The following SLC9B1 variants were observed in gnomAD, a reference collection of about 807,000 sequenced individuals.
The protein encoded by SLC9B1 is solute carrier family 9 member B1, also known as sodium/hydrogen exchanger 9B1.
SLC9B1 carries 32 observed loss-of-function variants against 51.7 expected under a neutral mutation model. The observed-to-expected ratio is 0.62, with a 90% confidence interval of 0.47 to 0.83. The LOEUF (loss-of-function observed/expected upper bound fraction) is 0.83. Ranked by LOEUF, SLC9B1 falls within the 40% of genes least tolerant of loss-of-function variation. SLC9B1 has a pLI of 0.00. For synonymous variants in SLC9B1, 145 were observed against 212.7 expected, an observed-to-expected ratio of 0.68 and a Z score of 2.77; for missense variants, 406 against 613.2, an observed-to-expected ratio of 0.66 and a Z score of 3.57.
intron 6 of SLC9B1, among the ~76,000 whole-genome samples, chr4:102,933,058 T>G (rs1013694804): frequency 6.6e-6 from 1 of 152,218 alleles, no homozygotes; most frequent in Non-Finnish European, 1.5e-5. Context: ...GCCTCATCTC[T>G]TCTACATTTA....
At chr4:102,893,854 CA>C (rs1288398850) in intron 11 of SLC9B1, among the ~76,000 whole-genome samples, 2 of 152,118 alleles carry the variant, frequency 1.3e-5, no homozygotes, top group African/African-American at 4.8e-5. Context: ...GAGATCACGC[CA>C]CTGCACTCCA....
At chr4:102,968,940 C>T (rs1738587035) in intron 3 of SLC9B1, among the ~76,000 whole-genome samples, 1 of 152,188 alleles carries the variant, frequency 6.6e-6, no homozygotes, top group African/African-American at 2.4e-5. Context: ...GCTAGCGCAG[C>T]AGTCCGAGAT....
rs554396217 is a variant in SLC9B1, at chr4:102,915,152, C to A, written c.830-3615G>T. On this transcript the variant is annotated intron_variant, in intron 7 of 11. Transcript: ENST00000296422. ...GAACTGTATAGCCAGTAAAACTGTACTTCAAAAATGAAGGACAAACAAAGA... is the reference window on the plus strand; with the variant it reads ...GAACTGTATAGCCAGTAAAACTGTAATTCAAAAATGAAGGACAAACAAAGA... Among the ~76,000 whole-genome samples, 154 of 151,180 alleles carry A rather than the reference C, an allele frequency of 1.0e-3. 1 individual carries two copies. Among genetic ancestry groups the A allele is most frequent in the Non-Finnish European group, 2.0e-3 (133 of 67,884 alleles).
intron 3 of SLC9B1, among the ~76,000 whole-genome samples, chr4:102,955,891 AAGAAAGAAAG>A (rs1737778888): frequency 1.4e-5 from 2 of 138,674 alleles, no homozygotes; most frequent in African/African-American, 3.2e-5. Flanking sequence ...GAAAGAAAGA[AAGAAAGAAAG>A]AGAGAGAAAG....
chr4:103,013,290 T>C (rs1741169884), intron 1 of SLC9B1, among the ~76,000 whole-genome samples: 1 of 152,246 alleles, frequency 6.6e-6, no homozygotes, highest in Non-Finnish European at 1.5e-5. Flanking sequence ...TTGATTATTC[T>C]AAATAAAGCT....
intron 4 of SLC9B1, among the ~76,000 whole-genome samples, chr4:102,947,904 C>T (rs761665465): frequency 6.8e-6 from 1 of 147,494 alleles, no homozygotes; most frequent in African/African-American, 2.5e-5. Context: ...TCTACATACA[C>T]TTTAGAAAGT....
At chr4:102,946,929 A>G in intron 4 of SLC9B1, 140 bp from the exon 5 acceptor site, 1 of 645,624 alleles carries the variant, frequency 1.5e-6, no homozygotes, top group Non-Finnish European at 2.6e-6. Flanking sequence ...AGAAGGCAGC[A>G]TGAATAAAGG....
intron 10 of SLC9B1, chr4:102,906,316 A>C (rs1406324235): frequency 3.7e-6 from 1 of 268,982 alleles, no homozygotes; most frequent in Non-Finnish European, 6.8e-6. Flanking sequence ...TTATTTCTTC[A>C]GATAACTCAG....
chr4:102,890,093 T>G (rs1446866276), intron 11 of SLC9B1: 1 of 152,210 alleles, frequency 6.6e-6, no homozygotes, highest in African/African-American at 2.4e-5. Flanking sequence ...CCAAAAGTGT[T>G]AGCAGGCTTG....
In SLC9B1 at chr4:102,920,840, G is replaced by A. The variant is rs868857305; in HGVS notation, c.830-9303C>T. 4.6e-5 allele frequency among the ~76,000 whole-genome samples: 7 copies of A among 152,308 alleles called. No individual in the cohort carries two copies. The South Asian group carries it at 8.3e-4, about 18-fold the overall frequency. ...TTGAAGATCAAATAAATGAAATAAA[G>A]TGAGAAGACAAGGTTAGAGAAACAA... On this transcript the variant is annotated intron_variant, in intron 7 of 11. Coordinates refer to ENST00000296422, the MANE Select transcript of SLC9B1 (RefSeq NM_139173.4).
At chr4:102,979,903 AAAAC>A (rs769146055) in intron 3 of SLC9B1, among the ~76,000 whole-genome samples, 24 of 152,288 alleles carry the variant, frequency 1.6e-4, no homozygotes, top group Non-Finnish European at 2.9e-4. Flanking sequence ...TACAAGAAAA[AAAAC>A]AAACAACCCC....
intron 7 of SLC9B1, among the ~76,000 whole-genome samples, chr4:102,924,902 A>G (rs1736078576): frequency 1.3e-5 from 2 of 152,202 alleles, no homozygotes; most frequent in Non-Finnish European, 2.9e-5. Context: ...AAGTCAGGAA[A>G]CAACAGGTGC....
At chr4:102,995,281 A>G (rs563966128) in intron 1 of SLC9B1, among the ~76,000 whole-genome samples, 1 of 152,340 alleles carries the variant, frequency 6.6e-6, no homozygotes, top group South Asian at 2.1e-4. Context: ...GAAGATTATA[A>G]AAAACATTTT....
At chr4:102,996,542 G>A (rs1271568792) in intron 1 of SLC9B1, among the ~76,000 whole-genome samples, 1 of 152,076 alleles carries the variant, frequency 6.6e-6, no homozygotes, top group African/African-American at 2.4e-5. Context: ...ACAGGTCTAT[G>A]GTCTATGAGC....
intron 1 of SLC9B1, among the ~76,000 whole-genome samples, chr4:103,019,056 T>G (rs993431241): frequency 3.3e-5 from 5 of 152,096 alleles, no homozygotes; most frequent in African/African-American, 1.2e-4. Context: ...CTGTCTTCCA[T>G]GAAACTGATC....
intron 6 of SLC9B1, among the ~76,000 whole-genome samples, chr4:102,944,412 T>G (rs1737168421): frequency 6.6e-6 from 1 of 152,086 alleles, no homozygotes; most frequent in South Asian, 2.1e-4. Flanking sequence ...CTCGTAAGAG[T>G]TGTCACTTTG....
At chr4:102,943,504 T>TACACACACACACACACACACAC (rs1319877290) in intron 6 of SLC9B1, among the ~76,000 whole-genome samples, 3 of 71,972 alleles carry the variant, frequency 4.2e-5, no homozygotes, top group Non-Finnish European at 5.7e-5. Flanking sequence ...TATGTGTATG[T>TACACACACACACACACACACAC]ATACACACAC....
intron 3 of SLC9B1, among the ~76,000 whole-genome samples, chr4:102,981,032 C>G (rs1739326536): frequency 6.6e-6 from 1 of 152,162 alleles, no homozygotes; most frequent in African/African-American, 2.4e-5. Context: ...CTGACAACCA[C>G]TGATCTTTTT....
chr4:102,972,775 A>AT (rs1193030132), intron 3 of SLC9B1, among the ~76,000 whole-genome samples: 6 of 152,228 alleles, frequency 3.9e-5, no homozygotes, highest in African/African-American at 1.4e-4. Context: ...TGGTCTGTAT[A>AT]TTATACCTCA....
Sources: gnomAD v4.1 joint callset for allele counts (sites outside exome capture counted in the v4.1 genomes callset) on GRCh38, gnomAD v4.1.1 for gene constraint, MANE v1.5 for transcripts, NCBI Gene and HGNC (gene_info 2026-07-23, HGNC 2026-07-21) for gene names.